Variants in SLC24A2 observed in about 807,000 individuals in gnomAD.
The protein encoded by SLC24A2 is sodium/potassium/calcium exchanger 2.
Under a neutral mutation model 62.0 loss-of-function variants are expected in SLC24A2, and 36 were observed. That is an observed-to-expected ratio of 0.58 (90% CI 0.44 to 0.77). The LOEUF (loss-of-function observed/expected upper bound fraction) is 0.77, where lower values mean the gene tolerates loss of function less well. Among genes scored for constraint, SLC24A2 ranks in the 30% least tolerant of loss-of-function variants. The probability of loss-of-function intolerance (pLI) is 0.00; values close to 1 mark genes in which losing one functional copy is unlikely to be tolerated. For missense variants in SLC24A2, 846 were observed against 817.9 expected (o/e 1.03, Z -0.42); for synonymous variants, 358 against 294.0 (o/e 1.22, Z -2.23).
the SLC24A2 span, among the ~76,000 whole-genome samples, chr9:20,016,034 T>C: frequency 1.3e-5 from 2 of 152,256 alleles, no homozygotes; most frequent in South Asian, 2.1e-4. Context: ...AATTTTAAAG[T>C]GTACATCACA....
chr9:20,173,373 C>A, the SLC24A2 span, among the ~76,000 whole-genome samples: 2 of 151,892 alleles, frequency 1.3e-5, no homozygotes, highest in East Asian at 1.9e-4. Context: ...TCCAAATTAG[C>A]AAAGATGAAG....
the SLC24A2 span, among the ~76,000 whole-genome samples, chr9:19,996,254 T>C: frequency 6.6e-6 from 1 of 152,198 alleles, no homozygotes; most frequent in Non-Finnish European, 1.5e-5. Flanking sequence ...AACTTTTCTA[T>C]TCTGTTTTAG....
At chr9:19,905,799 A>G in the SLC24A2 span, among the ~76,000 whole-genome samples, 1 of 152,190 alleles carries the variant, frequency 6.6e-6, no homozygotes, top group Admixed American at 6.5e-5. Context: ...CTAACAAAAC[A>G]CAGATTAACA....
chr9:20,167,666 T>C, the SLC24A2 span, among the ~76,000 whole-genome samples: 1 of 151,984 alleles, frequency 6.6e-6, no homozygotes, highest in East Asian at 1.9e-4. Context: ...GACTAGAACA[T>C]CTTGTTGTTC....
the SLC24A2 span, among the ~76,000 whole-genome samples, chr9:19,986,876 A>G: frequency 9.2e-5 from 14 of 152,134 alleles, no homozygotes; most frequent in African/African-American, 3.1e-4. Context: ...TAGTTGCACA[A>G]TATTGTGATT....
chr9:20,122,514 C>G, the SLC24A2 span, among the ~76,000 whole-genome samples: 1 of 152,132 alleles, frequency 6.6e-6, no homozygotes, highest in Admixed American at 6.6e-5. Context: ...CGGTGAAACC[C>G]TGTCTCTACT....
chr9:19,667,122 G>C (rs951608019), intron 2 of SLC24A2, among the ~76,000 whole-genome samples: 1 of 152,010 alleles, frequency 6.6e-6, no homozygotes, highest in Non-Finnish European at 1.5e-5. Context: ...CAACCTCAAT[G>C]ATTTATCACA....
At chr9:20,061,779 A>G in the SLC24A2 span, among the ~76,000 whole-genome samples, 1 of 152,332 alleles carries the variant, frequency 6.6e-6, no homozygotes, top group Non-Finnish European at 1.5e-5. Context: ...TGGTTAGTCA[A>G]GGAGTTCTTA....
chr9:20,269,929 T>C, the SLC24A2 span, among the ~76,000 whole-genome samples: 2 of 152,142 alleles, frequency 1.3e-5, no homozygotes, highest in Admixed American at 6.6e-5. Flanking sequence ...CTTATTTAGC[T>C]CACAGTTCTG....
the SLC24A2 span, among the ~76,000 whole-genome samples, chr9:19,940,111 A>T: frequency 6.6e-6 from 1 of 152,038 alleles, no homozygotes; most frequent in Non-Finnish European, 1.5e-5. Context: ...AGAGTAAAAA[A>T]CTCATCAAAG....
At chr9:20,053,164 T>C in the SLC24A2 span, among the ~76,000 whole-genome samples, 1 of 152,194 alleles carries the variant, frequency 6.6e-6, no homozygotes. Context: ...TCAACTTCAC[T>C]TTCCTCTGCT....
At chr9:20,090,443 G>A in the SLC24A2 span, among the ~76,000 whole-genome samples, 2 of 152,186 alleles carry the variant, frequency 1.3e-5, no homozygotes, top group Non-Finnish European at 2.9e-5. Context: ...CGCTATCAGA[G>A]CATTGAGAGG....
the SLC24A2 span, among the ~76,000 whole-genome samples, chr9:20,057,924 G>A: frequency 1.3e-5 from 2 of 152,222 alleles, no homozygotes; most frequent in South Asian, 2.1e-4. Flanking sequence ...AGTTCAGTAG[G>A]CTATCAAAAC....
At chr9:19,756,128 C>A (rs1180069913) in intron 2 of SLC24A2, among the ~76,000 whole-genome samples, 2 of 152,174 alleles carry the variant, frequency 1.3e-5, no homozygotes, top group African/African-American at 2.4e-5. Flanking sequence ...CCAGCAATAA[C>A]CTTCAAATTT....
chr9:20,099,150 A>T, the SLC24A2 span, among the ~76,000 whole-genome samples: 1 of 152,230 alleles, frequency 6.6e-6, no homozygotes, highest in Non-Finnish European at 1.5e-5. Context: ...AACATGGCAT[A>T]GGTTTCCCAA....
At chr9:19,921,356 T>C in the SLC24A2 span, among the ~76,000 whole-genome samples, 1 of 151,718 alleles carries the variant, frequency 6.6e-6, no homozygotes, top group African/African-American at 2.4e-5. Context: ...ACCCCGTCTC[T>C]ACTAAAAATA....
At chr9:19,943,223 G>A in the SLC24A2 span, among the ~76,000 whole-genome samples, 19 of 152,148 alleles carry the variant, frequency 1.2e-4, no homozygotes, top group East Asian at 9.7e-4. Context: ...ATATTCCATT[G>A]GGGGAATACT....
chr9:20,212,691 ACTAACTAT>A, the SLC24A2 span, among the ~76,000 whole-genome samples: 7 of 151,706 alleles, frequency 4.6e-5, no homozygotes, highest in African/African-American at 1.2e-4. Flanking sequence ...TGAGTGATTT[ACTAACTAT>A]CTATAGATGT....
At chr9:20,231,209 C>T in the SLC24A2 span, among the ~76,000 whole-genome samples, 32 of 152,198 alleles carry the variant, frequency 2.1e-4, no homozygotes, top group Middle Eastern at 6.8e-3. Context: ...ATTGACTGGG[C>T]GATGCGGGCT....
Sources: allele counts gnomAD v4.1 joint callset (sites outside exome capture counted in the v4.1 genomes callset), GRCh38; gene constraint gnomAD v4.1.1; transcripts MANE v1.5; gene names NCBI Gene and HGNC (gene_info 2026-07-23, HGNC 2026-07-21).